LRRIQ3: variants seen among roughly 807,000 people sequenced by gnomAD.
LRRIQ3 encodes the protein leucine-rich repeat and IQ domain-containing protein 3.
In LRRIQ3, 75 loss-of-function variants were observed where a neutral mutation model predicts 59.3. The ratio of observed to expected loss-of-function variants is 1.26; its 90% CI spans 1.05 to 1.53. LRRIQ3 has a LOEUF of 1.53. Ranked by LOEUF, LRRIQ3 falls within the 40% of genes most tolerant of loss-of-function variation. LRRIQ3 has a pLI of 0.00. For missense variants in LRRIQ3, 831 were observed against 710.0 expected, an observed-to-expected ratio of 1.17 and a Z score of -1.94; for synonymous variants, 250 against 231.3, an observed-to-expected ratio of 1.08 and a Z score of -0.73.
intron 3 of LRRIQ3, among the ~76,000 whole-genome samples, chr1:74,167,072 C>T (rs1007276263): frequency 1.3e-5 from 2 of 151,798 alleles, no homozygotes; most frequent in African/African-American, 4.8e-5. Context: ...GTAGATCTAC[C>T]ATTAGATACA....
At chr1:74,059,417 C>CTTTAA (rs771478892) in intron 6 of LRRIQ3, among the ~76,000 whole-genome samples, 101 of 151,968 alleles carry the variant, frequency 6.6e-4, no homozygotes, top group Non-Finnish European at 1.0e-3. Flanking sequence ...AATTTTTGTA[C>CTTTAA]ATGGTGTGAT....
chr1:74,050,518 T>C (rs1355629309), intron 6 of LRRIQ3: 3 of 985,296 alleles, frequency 3.0e-6, no homozygotes, highest in Admixed American at 1.2e-4. Context: ...ATACCATTTG[T>C]GGTCAACAGA....
chr1:74,101,736 A>C (rs1393097429), intron 5 of LRRIQ3, among the ~76,000 whole-genome samples: 14 of 152,194 alleles, frequency 9.2e-5, no homozygotes, highest in Non-Finnish European at 1.2e-4. Context: ...GCCATAAAAA[A>C]GGATGAGTTC....
Position 74,148,073 on chromosome 1 carries a change from T to C in LRRIQ3, c.707+7660A>G, listed in dbSNP as rs1039195604. Among the ~76,000 whole-genome samples the C allele has an allele frequency of 2.0e-5, 3 of 152,252 alleles. No homozygotes were observed. In the East Asian group the frequency reaches 5.8e-4, roughly 29 times the overall value. On this transcript the variant is annotated intron_variant, in intron 4 of 7. Transcript: ENST00000354431. The stretch of plus-strand genomic sequence containing the variant: ...AGCCATTTCAAATATATTTTTTCCT[T>C]TGGAATCTGTTTATAGAGATTTATT...
rs370659922 is a variant in LRRIQ3, at chr1:74,058,891, A to T, written c.997+15770T>A. ...AAAATAGAAAGTAAATTGATGTATC[A>T]TTTTACATCCAGCAATGTATGTAAA... On this transcript the variant is annotated intron_variant, in intron 6 of 7. Transcript: ENST00000354431. Among the ~76,000 whole-genome samples the T allele has an allele frequency of 1.1e-4, 17 of 152,192 alleles. No individual in the cohort carries two copies. In the East Asian group the frequency reaches 2.9e-3, roughly 26 times the overall value.
intron 5 of LRRIQ3, among the ~76,000 whole-genome samples, chr1:74,099,461 G>A (rs964949544): frequency 2.6e-5 from 4 of 152,044 alleles, no homozygotes; most frequent in Non-Finnish European, 4.4e-5. Context: ...ATTCACAGCC[G>A]AATTCTACCA....
intron 5 of LRRIQ3, among the ~76,000 whole-genome samples, chr1:74,101,099 A>C (rs1210169142): frequency 3.9e-5 from 6 of 152,212 alleles, no homozygotes; most frequent in Non-Finnish European, 8.8e-5. Flanking sequence ...AGCAAAAGAA[A>C]CTACCATCAG....
chr1:74,151,710 T>A (rs955625940), intron 4 of LRRIQ3, among the ~76,000 whole-genome samples: 13 of 152,042 alleles, frequency 8.6e-5, no homozygotes, highest in African/African-American at 3.1e-4. Context: ...GCCAAAACTC[T>A]CTTACAGGTC....
At chr1:74,113,072 G>T (rs1352465260) in intron 4 of LRRIQ3, among the ~76,000 whole-genome samples, 1 of 151,598 alleles carries the variant, frequency 6.6e-6, no homozygotes, top group Non-Finnish European at 1.5e-5. Flanking sequence ...ACACTTAAAA[G>T]AAATCAAATA....
chr1:74,151,011 C>CTTTTT (rs59890149), intron 4 of LRRIQ3, among the ~76,000 whole-genome samples: 58 of 63,416 alleles, frequency 9.1e-4, no homozygotes, highest in African/African-American at 3.1e-3. Flanking sequence ...ATGATGCTTT[C>CTTTTT]TTTTTTTTTT....
Position 74,188,261 on chromosome 1 carries a change from A to G in LRRIQ3, c.1-4577T>C, listed in dbSNP as rs372733814. Among the ~76,000 whole-genome samples, 10 of 152,230 alleles carry G rather than the reference A, an allele frequency of 6.6e-5. No homozygotes were observed. In the East Asian group the frequency reaches 1.9e-3, roughly 29 times the overall value. Reference sequence around the variant, plus strand: ...AAAGGGGAACAACACACTGGGGCCTACTAGAGGGAGGAGAGTGGGAGGAGG... The same window carrying G: ...AAAGGGGAACAACACACTGGGGCCTGCTAGAGGGAGGAGAGTGGGAGGAGG... On this transcript the variant is annotated intron_variant, in intron 1 of 7. Coordinates refer to ENST00000354431, the MANE Select transcript of LRRIQ3 (RefSeq NM_001105659.2).
chr1:74,137,588 A>T (rs1647145690), intron 4 of LRRIQ3, among the ~76,000 whole-genome samples: 1 of 152,088 alleles, frequency 6.6e-6, no homozygotes, highest in Non-Finnish European at 1.5e-5. Flanking sequence ...CAATCCCATT[A>T]TGGAGTATAA....
intron 3 of LRRIQ3, among the ~76,000 whole-genome samples, chr1:74,157,148 C>T (rs1382976922): frequency 1.3e-4 from 20 of 152,094 alleles, no homozygotes; most frequent in Non-Finnish European, 8.8e-5. Context: ...TACTGAAAAC[C>T]TTTGACACTA....
At chr1:74,065,246 T>C (rs1654834986) in intron 6 of LRRIQ3, among the ~76,000 whole-genome samples, 1 of 152,108 alleles carries the variant, frequency 6.6e-6, no homozygotes, top group Admixed American at 6.6e-5. Flanking sequence ...TTGCATATCT[T>C]CAGTGAAGGA....
chr1:74,103,222 A>T (rs764472795), intron 5 of LRRIQ3, among the ~76,000 whole-genome samples: 1 of 151,762 alleles, frequency 6.6e-6, no homozygotes, highest in Non-Finnish European at 1.5e-5. Flanking sequence ...TATAAAATCA[A>T]CCTCTGCCCA....
At chr1:74,180,670 T>C (rs1169901695) in intron 3 of LRRIQ3, 2 of 1,525,970 alleles carry the variant, frequency 1.3e-6, no homozygotes, top group Admixed American at 4.1e-5. Context: ...GTCTGTCATT[T>C]GTGATGCAAT....
chr1:74,068,545 A>T (rs991626838), intron 6 of LRRIQ3, among the ~76,000 whole-genome samples: 5 of 152,100 alleles, frequency 3.3e-5, no homozygotes, highest in Admixed American at 2.0e-4. Flanking sequence ...TACAAAATAA[A>T]TTCAAACATA....
intron 4 of LRRIQ3, among the ~76,000 whole-genome samples, chr1:74,137,934 G>A (rs1346726204): frequency 6.6e-6 from 1 of 150,534 alleles, no homozygotes; most frequent in Non-Finnish European, 1.5e-5. Context: ...ACACACCGGG[G>A]CCTGTCAGGG....
Position 74,041,612 on chromosome 1 carries a change from AC to A in LRRIQ3, c.1318del (p.Val440Ter). On this transcript the variant is annotated frameshift_variant, in exon 7 of 8. Transcript: ENST00000354431. LOFTEE classifies it high-confidence loss of function. Reference sequence around the variant, plus strand: ...AACTTGTGCCATGGCTACAACTCTTACTTTTTCTTTATGGTATTCCTGCTTC... The same window carrying A: ...AACTTGTGCCATGGCTACAACTCTTATTTTTCTTTATGGTATTCCTGCTTC... ...QKKQEYHKEK[V>X]RVVAMAQVAR... 1 of 1,613,756 alleles carries A rather than the reference AC, an allele frequency of 6.2e-7. No individual in the cohort carries two copies.
Sources: gnomAD v4.1 joint callset for allele counts (sites outside exome capture counted in the v4.1 genomes callset) on GRCh38, gnomAD v4.1.1 for gene constraint, MANE v1.5 for transcripts, NCBI Gene and HGNC (gene_info 2026-07-23, HGNC 2026-07-21) for gene names.